Variants in TTN observed in about 807,000 individuals in gnomAD.
TTN encodes the protein connectin.
Under a neutral mutation model 3,223.0 loss-of-function variants are expected in TTN, and 1,525 were observed. The observed-to-expected ratio is 0.47, with a 90% CI of 0.45 to 0.49. The LOEUF (loss-of-function observed/expected upper bound fraction) is 0.49, where lower values mean the gene tolerates loss of function less well. TTN is among the 20% of genes least tolerant of loss of function. TTN has a pLI of 0.00. For missense variants in TTN, 40,786 were observed against 43,424.0 expected, an observed-to-expected ratio of 0.94 and a Z score of 5.40; for synonymous variants, 14,094 against 15,161.0, an observed-to-expected ratio of 0.93 and a Z score of 5.17.
chr2:178,689,962 A>AG lies in TTN; in HGVS notation c.31763-67_31763-66insC, dbSNP rs2071938458. Reference sequence around the variant, plus strand: ...CACTTTTATGAAAGAACATAGGCACATGCACAAATCTTTATGTAGTACATT... The same window carrying AG: ...CACTTTTATGAAAGAACATAGGCACAGTGCACAAATCTTTATGTAGTACATT... On this transcript the variant is annotated intron_variant, in intron 121 of 362. Coordinates refer to ENST00000589042, the MANE Select transcript of TTN (RefSeq NM_001267550.2). The AG allele has an allele frequency of 2.2e-6, 3 of 1,359,296 alleles. No individual in the cohort carries two copies. The African/African-American group carries it at 4.4e-5, about 20-fold the overall frequency. 84.2% of individuals were successfully genotyped at this position (1,359,296 alleles called of 1,614,324 possible). A position where few individuals can be genotyped will look rare whatever the true frequency, so the allele number is the denominator to read the frequency against.
intron 240 of TTN, among the ~76,000 whole-genome samples, chr2:178,627,403 C>G (rs2059206912): frequency 6.6e-6 from 1 of 151,932 alleles, no homozygotes; most frequent in Non-Finnish European, 1.5e-5. Flanking sequence ...TTGACAAGAG[C>G]AAGTTTGTTC....
At position 178,640,727 on chromosome 2, in the gene TTN, G is replaced by C. The variant is rs1016608193; in HGVS notation, c.40634-97C>G. ...TTATTTTTCAAAAACTCTATGGATGGTTTTTTAAAAAACCTTATAGTTTAT... is the reference window on the plus strand; with the variant it reads ...TTATTTTTCAAAAACTCTATGGATGCTTTTTTAAAAAACCTTATAGTTTAT... On this transcript the variant is annotated intron_variant, in intron 220 of 362. Transcript: ENST00000589042. The C allele has an allele frequency of 1.0e-5, 10 of 993,024 alleles. No individual in the cohort carries two copies. In the Admixed American group the frequency reaches 1.6e-4, roughly 16 times the overall value. 61.5% of individuals were successfully genotyped at this position (993,024 alleles called of 1,614,324 possible).
At position 178,594,140 on chromosome 2, in the gene TTN, A is replaced by G. The variant is rs1236311809; in HGVS notation, c.58253T>C (p.Val19418Ala). 3 of 1,613,388 alleles carry G rather than the reference A, an allele frequency of 1.9e-6. No homozygotes were observed. The African/African-American group carries it at 4.0e-5, about 22-fold the overall frequency. Reference sequence around the variant, plus strand: ...ATCAGCTTCATCTTTGAACCAGGAAACCTTAGGCTTTGGTTTGCCTGAGTA... The same window carrying G: ...ATCAGCTTCATCTTTGAACCAGGAAGCCTTAGGCTTTGGTTTGCCTGAGTA... ...GRYSGKPKPK[V>A]SWFKDEADVL... The change falls in exon 297 of 363, where the codon GTT (valine) becomes GCT (alanine). Residue 19418 changes from valine to alanine, a missense_variant. By Grantham distance (64) the Val-to-Ala change is moderately conservative (BLOSUM62 0). Coordinates refer to ENST00000589042, the MANE Select transcript of TTN (RefSeq NM_001267550.2).
In TTN at chr2:178,711,937, C is replaced by T; in HGVS notation, c.27886+7G>A. 2 of 1,556,902 alleles carry T rather than the reference C, an allele frequency of 1.3e-6. No homozygotes were observed. Among genetic ancestry groups the T allele is most frequent in the Non-Finnish European group, 1.7e-6 (2 of 1,151,540 alleles). On this transcript the variant is annotated splice_region_variant and intron_variant, in intron 96 of 362. Coordinates refer to ENST00000589042, the MANE Select transcript of TTN (RefSeq NM_001267550.2). ...AAATTCGTTCACTTTAAAAATATTGCAATCACCTTGAACGGTAAGGAAAGT... is the reference window on the plus strand; with the variant it reads ...AAATTCGTTCACTTTAAAAATATTGTAATCACCTTGAACGGTAAGGAAAGT...
chr2:178,552,260 C>A lies in TTN; in HGVS notation c.90640G>T (p.Ala30214Ser), dbSNP rs769553778. Residue 30214 changes from alanine (A) to serine (S), a missense_variant, in exon 335 of 363, where the codon GCA becomes TCA. Ala to Ser is a moderately conservative substitution (Grantham distance 99). Coordinates refer to ENST00000589042, the MANE Select transcript of TTN (RefSeq NM_001267550.2). The part of the protein sequence containing the change: ...VILDNAVCRI[A>S]VPITVITLGP... Reference sequence around the variant, plus strand: ...AGGGTGATGACTGTAATGGGGACTGCAATTCTACACACTGCATTATCAAGA... The same window carrying A: ...AGGGTGATGACTGTAATGGGGACTGAAATTCTACACACTGCATTATCAAGA... 1 of 1,613,438 alleles carries A rather than the reference C, an allele frequency of 6.2e-7. No homozygotes were observed. Among genetic ancestry groups the A allele is most frequent in the South Asian group, 1.1e-5 (1 of 90,992 alleles).
Position 178,617,432 on chromosome 2 carries a change from T to C in TTN, c.47653A>G (p.Lys15885Glu). The change falls in exon 254 of 363, where the codon AAA (lysine) becomes GAA (glutamate). Residue 15885 changes from lysine to glutamate, a missense_variant. Lys to Glu is a moderately conservative substitution (Grantham distance 56). Coordinates refer to ENST00000589042, the MANE Select transcript of TTN (RefSeq NM_001267550.2). ...SVQLKWEPPL[K>E]DGGSPILGYI... Reference sequence around the variant, plus strand: ...CCTAATATTGGGCTTCCTCCATCTTTCAGAGGAGGTTCCCATTTGAGCTGA... The same window carrying C: ...CCTAATATTGGGCTTCCTCCATCTTCCAGAGGAGGTTCCCATTTGAGCTGA... The C allele has an allele frequency of 6.3e-7, 1 of 1,595,306 alleles. No individual in the cohort carries two copies.
At position 178,559,401 on chromosome 2, in the gene TTN, C is replaced by T; in HGVS notation, c.86731G>A (p.Glu28911Lys). Residue 28911 changes from glutamate to lysine, a missense_variant, in exon 326 of 363, where the codon GAA becomes AAA. Physicochemically the swap from Glu to Lys is moderately conservative, Grantham distance 56. Transcript: ENST00000589042. The stretch of plus-strand genomic sequence containing the variant: ...ACTCTGAAGTAATAGATAGCTCCTT[C>T]TTGTAAATTGGTAACTTTGTAGGAG... ...RLSYKVTNLQ[E>K]GAIYYFRVSG... The T allele has an allele frequency of 1.2e-6, 2 of 1,613,684 alleles. No individual in the cohort carries two copies. The highest frequency in any genetic ancestry group is 1.7e-6 in the Non-Finnish European group (2 of 1,179,642).
At position 178,729,479 on chromosome 2, in the gene TTN, G is replaced by T. The variant is rs746345160; in HGVS notation, c.18677C>A (p.Pro6226His). ...CTTCAGCCAAGTGACTTCAAACGGA[G>T]GTGTTCCCGTAACTTCACACTCCAG... ...VELECEVTGT[P>H]PFEVTWLKNN... The change falls in exon 64 of 363, where the codon CCT (proline) becomes CAT (histidine). Residue 6226 changes from proline (P) to histidine (H), a missense_variant. Physicochemically the swap from Pro to His is moderately conservative, Grantham distance 77. Transcript: ENST00000589042. The T allele has an allele frequency of 1.9e-6, 3 of 1,613,414 alleles. No homozygotes were observed. The African/African-American group carries it at 4.0e-5, about 22-fold the overall frequency.
intron 294 of TTN, among the ~76,000 whole-genome samples, chr2:178,596,381 G>C (rs1004512382): frequency 1.3e-5 from 2 of 152,042 alleles, no homozygotes; most frequent in African/African-American, 4.8e-5. Context: ...CTTTTTAAAA[G>C]CAATTTGTGA....
chr2:178,764,602 C>T lies in TTN; in HGVS notation c.9913G>A (p.Asp3305Asn), dbSNP rs746334195. 6.2e-7 allele frequency: 1 copy of T among 1,614,126 alleles called. No individual in the cohort carries two copies. The highest frequency in any genetic ancestry group is 8.5e-7 in the Non-Finnish European group (1 of 1,180,024). ...GCTTCACAGGTATAGACTGCCGCAT[C>T]CTCTGGGAAGGCTTCAATTAGCAAA... ...TLLLIEAFPE[D>N]AAVYTCEAKN... The change falls in exon 42 of 363, where the codon GAT (aspartate) becomes AAT (asparagine). Residue 3305 changes from aspartate to asparagine, a missense_variant. Transcript: ENST00000589042.
At position 178,592,654 on chromosome 2, in the gene TTN, G is replaced by C; in HGVS notation, c.59351C>G (p.Pro19784Arg). ...CATGTTGGCATCAAGAATCAACTCA[G>C]GGGGTTCTAGAATAAAGAGAACAGA... ...PVLVKDRLEP[P>R]ELILDANMAR... The change falls in exon 301 of 363, where the codon CCT becomes CGT. Residue 19784 changes from proline (P) to arginine (R), a missense_variant. By Grantham distance (103) the Pro-to-Arg change is moderately radical. Coordinates refer to ENST00000589042, the MANE Select transcript of TTN (RefSeq NM_001267550.2). 1 of 1,612,858 alleles carries C rather than the reference G, an allele frequency of 6.2e-7. No homozygotes were observed. Among genetic ancestry groups the C allele is most frequent in the Non-Finnish European group, 8.5e-7 (1 of 1,179,420 alleles).
chr2:178,701,507 T>C (rs368100471), intron 110 of TTN, 21 bp downstream of exon 110: 28 of 1,606,020 alleles, frequency 1.7e-5, no homozygotes, highest in Middle Eastern at 1.7e-4. Flanking sequence ...CAAGCTCAGA[T>C]GTTGAGGTTC....
In TTN at chr2:178,542,223, A is replaced by G. The variant is rs766917440; in HGVS notation, c.97492+41T>C. On this transcript the variant is annotated intron_variant, in intron 349 of 362. Coordinates refer to ENST00000589042, the MANE Select transcript of TTN (RefSeq NM_001267550.2). Reference sequence around the variant, plus strand: ...AAATTCTTTTTTGTTAACATTCAGAATCAGAGGTGGGGAGAGTGGTGGAAG... The same window carrying G: ...AAATTCTTTTTTGTTAACATTCAGAGTCAGAGGTGGGGAGAGTGGTGGAAG... 16 of 1,557,510 alleles carry G rather than the reference A, an allele frequency of 1.0e-5. No homozygotes were observed. In the Admixed American group the frequency reaches 2.8e-4, roughly 27 times the overall value.
intron 33 of TTN, chr2:178,772,818 C>G: frequency 2.4e-6 from 1 of 418,154 alleles, no homozygotes; most frequent in Non-Finnish European, 4.3e-6. Flanking sequence ...ATAATAAACA[C>G]TAGGAAAGAG....
intron 115 of TTN, among the ~76,000 whole-genome samples, 170 bp from the exon 116 acceptor site, chr2:178,695,076 A>C (rs2073382079): frequency 6.6e-6 from 1 of 151,152 alleles, no homozygotes; most frequent in South Asian, 2.1e-4. Flanking sequence ...TTTTTCTTTG[A>C]CCTTTACGCA....
At position 178,760,848 on chromosome 2, in the gene TTN, GGTGTGTGTGTGTGTGTGTGTGT is replaced by G. The variant is rs3045724; in HGVS notation, c.10115-1698_10115-1677del. The G allele has an allele frequency of 4.0e-4, 58 of 145,472 alleles. 1 individual carries two copies. The highest frequency in any genetic ancestry group is 1.4e-3 in the African/African-American group (55 of 39,232). The allele number at this position is 145,472 out of a possible 1,614,324, so 9.0% of individuals were successfully genotyped here. On this transcript the variant is annotated intron_variant, in intron 43 of 362. Transcript: ENST00000589042. ...CACCCCTATTTAGTTTGTGTGAAGG[GGTGTGTGTGTGTGTGTGTGTGT>G]GTGTGTGTGTGTGTGAGATCATCAA... is the stretch of plus-strand genomic sequence containing the variant.
rs148460010 is a variant in TTN at position 178,715,473 on chromosome 2, C to T, written c.25921+20G>A. The T allele has an allele frequency of 5.0e-4, 798 of 1,594,110 alleles. 5 individuals carry two copies. In the African/African-American group the frequency reaches 9.4e-3, roughly 19 times the overall value. ...AGAGGAGGCTAATGTGAAAAACACACAGGTGGGGAGAGCGCTGACCTTTAA... is the reference window on the plus strand; with the variant it reads ...AGAGGAGGCTAATGTGAAAAACACATAGGTGGGGAGAGCGCTGACCTTTAA... On this transcript the variant is annotated intron_variant, in intron 89 of 362. Transcript: ENST00000589042.
chr2:178,573,910 T>G lies in TTN; in HGVS notation c.72222A>C (p.Ala24074=). 1.2e-6 allele frequency: 2 copies of G among 1,612,256 alleles called. No homozygotes were observed. Among genetic ancestry groups the G allele is most frequent in the Non-Finnish European group, 1.7e-6 (2 of 1,178,752 alleles). ...AATCTGCAATTTTTATTTCTAACTT[T>G]GCTGTGCCTTCCAGCTCTTTTCCAT... is the stretch of plus-strand genomic sequence containing the variant. ...SKDGKELEGT[A]KLEIKIADFS... is the part of the protein sequence containing the mutation. The change falls in exon 326 of 363, where the codon GCA becomes GCC. Residue 24074 remains alanine, a synonymous_variant. Transcript: ENST00000589042.
rs762269257 is a variant in TTN at position 178,718,951 on chromosome 2, G to A, written c.24249C>T (p.Thr8083=). The change falls in exon 84 of 363, where the codon ACC becomes ACT. Residue 8083 remains threonine, a synonymous_variant. Transcript: ENST00000589042. ...CAGGCAAAACTTCCACAGAATCAGGGGTTTGTTCAAAAGATGGTGGTTCTA... is the reference window on the plus strand; with the variant it reads ...CAGGCAAAACTTCCACAGAATCAGGAGTTTGTTCAAAAGATGGTGGTTCTA... ...TVQEPPSFEQ[T]PDSVEVLPGM... The A allele has an allele frequency of 3.1e-6, 5 of 1,608,352 alleles. No homozygotes were observed. The highest frequency in any genetic ancestry group is 4.2e-6 in the Non-Finnish European group (5 of 1,177,204).
Sources: gnomAD v4.1 joint callset for allele counts (sites outside exome capture counted in the v4.1 genomes callset) on GRCh38, gnomAD v4.1.1 for gene constraint, MANE v1.5 for transcripts, NCBI Gene and HGNC (gene_info 2026-07-23, HGNC 2026-07-21) for gene names.